The following ATG7 variants were observed in gnomAD, a reference collection of about 807,000 sequenced individuals.
ATG7 encodes ubiquitin-like modifier-activating enzyme ATG7.
In ATG7, 70 loss-of-function variants were observed where a neutral mutation model predicts 82.4. The observed-to-expected ratio is 0.85, with a 90% CI of 0.70 to 1.04. The LOEUF (loss-of-function observed/expected upper bound fraction) is 1.04. Among genes scored for constraint, ATG7 ranks in the 50% least tolerant of loss-of-function variants. The pLI is 0.00. For synonymous variants in ATG7, 287 were observed against 313.0 expected (o/e 0.92, Z 0.88); for missense variants, 792 against 864.3 (o/e 0.92, Z 1.05).
chr3:11,351,833 C>A (rs1404790389), intron 14 of ATG7, among the ~76,000 whole-genome samples: 1 of 149,088 alleles, frequency 6.7e-6, no homozygotes, highest in Non-Finnish European at 1.5e-5. Context: ...TCCTTATATG[C>A]TTGATTTAGT....
intron 20 of ATG7, among the ~76,000 whole-genome samples, chr3:11,496,740 G>T (rs1411096912): frequency 6.6e-6 from 1 of 152,176 alleles, no homozygotes; most frequent in African/African-American, 2.4e-5. Context: ...GGCTAATTCT[G>T]TGGGATGTAT....
intron 20 of ATG7, among the ~76,000 whole-genome samples, chr3:11,431,641 C>A (rs893275036): frequency 4.6e-5 from 7 of 152,178 alleles, no homozygotes; most frequent in East Asian, 1.9e-4. Flanking sequence ...CATAAATGAT[C>A]CTTTGTGTCT....
At chr3:11,461,599 T>C (rs1030265298) in intron 20 of ATG7, among the ~76,000 whole-genome samples, 1 of 152,166 alleles carries the variant, frequency 6.6e-6, no homozygotes, top group African/African-American at 2.4e-5. Flanking sequence ...CTCTCTTAAA[T>C]GTAGTTCTTA....
chr3:11,450,980 C>G (rs577292834), intron 20 of ATG7, among the ~76,000 whole-genome samples: 4 of 152,254 alleles, frequency 2.6e-5, no homozygotes, highest in African/African-American at 9.6e-5. Flanking sequence ...GTAGAGAGAC[C>G]TTAGTATATT....
downstream of ATG7, among the ~76,000 whole-genome samples, chr3:11,561,128 C>A (rs995500120): frequency 6.6e-6 from 1 of 152,102 alleles, no homozygotes; most frequent in East Asian, 1.9e-4. Context: ...CTAGGAGACC[C>A]CCCCCCAGGG....
Position 11,380,071 on chromosome 3 carries a change from G to A in ATG7, c.1956+19G>A. 4 of 1,609,948 alleles carry A rather than the reference G, an allele frequency of 2.5e-6. No homozygotes were observed. The highest frequency in any genetic ancestry group is 3.4e-6 in the Non-Finnish European group (4 of 1,176,204). The stretch of plus-strand genomic sequence containing the variant: ...TTCCAAAGTAAGTCATTTTGTATTG[G>A]AGGGACTTGTTTTTAAAAGTGAGCG... On this transcript the variant is annotated intron_variant, in intron 19 of 20. Transcript: ENST00000693202.
intron 1 of ATG7, among the ~76,000 whole-genome samples, chr3:11,280,793 G>C (rs149889258): frequency 1.3e-5 from 2 of 152,154 alleles, no homozygotes; most frequent in East Asian, 3.9e-4. Flanking sequence ...CCCAGCACAG[G>C]GTTCAGTGCA....
downstream of ATG7, among the ~76,000 whole-genome samples, chr3:11,562,535 C>T (rs1357196981): frequency 6.6e-6 from 1 of 152,228 alleles, no homozygotes; most frequent in Non-Finnish European, 1.5e-5. Context: ...GGATGACACC[C>T]AACAGACTTC....
At chr3:11,453,665 T>C (rs1202707035) in intron 20 of ATG7, among the ~76,000 whole-genome samples, 6 of 152,200 alleles carry the variant, frequency 3.9e-5, no homozygotes, top group African/African-American at 1.4e-4. Context: ...TCTCTTGGAG[T>C]AGCCCTTATG....
intron 20 of ATG7, among the ~76,000 whole-genome samples, chr3:11,551,190 T>C (rs2071742363): frequency 6.6e-6 from 1 of 152,222 alleles, no homozygotes; most frequent in African/African-American, 2.4e-5. Flanking sequence ...GAGTGTTCCG[T>C]GCTGACGCAC....
intron 20 of ATG7, among the ~76,000 whole-genome samples, chr3:11,452,349 C>T (rs1576510293): frequency 7.2e-6 from 1 of 138,988 alleles, no homozygotes; most frequent in East Asian, 2.2e-4. Context: ...CACGCCACTA[C>T]ACCCCAGTCT....
chr3:11,279,689 C>T (rs972062068), intron 1 of ATG7, among the ~76,000 whole-genome samples: 1 of 151,982 alleles, frequency 6.6e-6, no homozygotes. Flanking sequence ...TGTCTCAAGA[C>T]TCCGTCTCAA....
At chr3:11,338,484 C>T (rs2594982) in intron 11 of ATG7, among the ~76,000 whole-genome samples, 79,284 of 151,676 alleles carry the variant, frequency 0.52, 21,760 homozygotes, top group Non-Finnish European at 0.63. Flanking sequence ...TTTTTTTCCC[C>T]ACAGAAAAAC....
At chr3:11,476,376 C>T (rs180933731) in intron 20 of ATG7, among the ~76,000 whole-genome samples, 30 of 151,574 alleles carry the variant, frequency 2.0e-4, no homozygotes, top group Admixed American at 6.6e-4. Context: ...TCAACAATGG[C>T]TGGTAGCTGC....
intron 18 of ATG7, among the ~76,000 whole-genome samples, chr3:11,370,865 TA>T (rs2076952683): frequency 6.6e-6 from 1 of 151,160 alleles, no homozygotes; most frequent in African/African-American, 2.4e-5. Flanking sequence ...GTTTTTTTTT[TA>T]ATTCCTCTAG....
At chr3:11,573,847 G>C in the ATG7 span, among the ~76,000 whole-genome samples, 86 of 152,328 alleles carry the variant, frequency 5.6e-4, no homozygotes, top group South Asian at 1.0e-3. Context: ...ATCTGAAATA[G>C]GGTCTTTACC....
intron 20 of ATG7, among the ~76,000 whole-genome samples, chr3:11,529,229 GT>G: frequency 1.3e-5 from 2 of 152,218 alleles, no homozygotes; most frequent in Middle Eastern, 3.4e-3. Context: ...AGTTTGCTTT[GT>G]TTTTTAAGAC....
At chr3:11,561,293 A>G (rs1273617854), downstream of ATG7, among the ~76,000 whole-genome samples, 1 of 152,126 alleles carries the variant, frequency 6.6e-6, no homozygotes, top group Non-Finnish European at 1.5e-5. Flanking sequence ...TCCAGCCTTT[A>G]TGTCAGTCTA....
chr3:11,400,591 T>C (rs2079740980), intron 19 of ATG7, among the ~76,000 whole-genome samples: 1 of 152,080 alleles, frequency 6.6e-6, no homozygotes, highest in Non-Finnish European at 1.5e-5. Flanking sequence ...GATTTTTAAG[T>C]GTTGGTTCAC....
Sources: allele counts gnomAD v4.1 joint callset (sites outside exome capture counted in the v4.1 genomes callset), GRCh38; gene constraint gnomAD v4.1.1; transcripts MANE v1.5; gene names NCBI Gene and HGNC (gene_info 2026-07-23, HGNC 2026-07-21).